Variants in TEKT5 observed in about 807,000 individuals in gnomAD.
TEKT5 encodes tektin-5.
TEKT5 carries 52 observed loss-of-function variants against 48.7 expected under a neutral mutation model. The ratio of observed to expected loss-of-function variants is 1.07; its 90% confidence interval spans 0.86 to 1.35. The LOEUF is 1.35. Among genes scored for constraint, TEKT5 ranks in the 40% most tolerant of loss-of-function variants. TEKT5 has a pLI of 0.00. For missense variants in TEKT5, 831 were observed against 641.6 expected (o/e 1.30, Z -3.19); for synonymous variants, 318 against 267.6 (o/e 1.19, Z -1.84).
intron 3 of TEKT5, among the ~76,000 whole-genome samples, chr16:10,685,310 CTCTT>C (rs1353399607): frequency 6.6e-6 from 1 of 152,100 alleles, no homozygotes; most frequent in Admixed American, 6.5e-5. Flanking sequence ...CTCTCTCTCT[CTCTT>C]TTTTTGAGAC....
chr16:10,644,745 G>C (rs1357848957), intron 5 of TEKT5, among the ~76,000 whole-genome samples: 1 of 152,128 alleles, frequency 6.6e-6, no homozygotes, highest in African/African-American at 2.4e-5. Context: ...GCAGCATTAG[G>C]GTTACCAGTT....
intron 4 of TEKT5, among the ~76,000 whole-genome samples, chr16:10,680,999 T>TA (rs1199718377): frequency 7.5e-6 from 1 of 133,834 alleles, no homozygotes; most frequent in Non-Finnish European, 1.6e-5. Flanking sequence ...TCCTAAAACT[T>TA]AAAGTATAAT....
chr16:10,678,619 C>G (rs1237977810), intron 4 of TEKT5, among the ~76,000 whole-genome samples: 1 of 152,118 alleles, frequency 6.6e-6, no homozygotes, highest in African/African-American at 2.4e-5. Flanking sequence ...TTGTTCAAGG[C>G]CGCACAACAA....
chr16:10,664,556 A>G (rs761994022), intron 5 of TEKT5, among the ~76,000 whole-genome samples: 18 of 152,238 alleles, frequency 1.2e-4, no homozygotes, highest in Non-Finnish European at 2.4e-4. Context: ...GGAGTTTTAA[A>G]AAGATCTGCT....
intron 3 of TEKT5, among the ~76,000 whole-genome samples, chr16:10,686,318 A>C (rs937125256): frequency 6.6e-6 from 1 of 152,190 alleles, no homozygotes; most frequent in Non-Finnish European, 1.5e-5. Flanking sequence ...TTAGCTGGGC[A>C]TGGTGGCAGG....
Position 10,627,773 on chromosome 16 carries a change from T to C in TEKT5, c.1268A>G (p.Asp423Gly). 6.2e-7 allele frequency: 1 copy of C among 1,614,184 alleles called. No individual in the cohort carries two copies. Among genetic ancestry groups the C allele is most frequent in the Non-Finnish European group, 8.5e-7 (1 of 1,180,040 alleles). Residue 423 changes from aspartate (D) to glycine (G), a missense_variant, in exon 7 of 7, where the codon GAC (aspartate) becomes GGC (glycine). Asp to Gly is a moderately conservative substitution (Grantham distance 94). Coordinates refer to ENST00000283025, the MANE Select transcript of TEKT5 (RefSeq NM_144674.2). ...CAGCTTGAGGGTCTGCAGGGTGTCG[T>C]CGATGGTGAACACCTCGTTCACCAG... ...LKLVNEVFTI[D>G]DTLQTLKLRL...
chr16:10,694,488 A>T lies in TEKT5; in HGVS notation c.386T>A (p.Leu129Gln). The T allele has an allele frequency of 6.2e-7, 1 of 1,613,786 alleles. No homozygotes were observed. The highest frequency in any genetic ancestry group is 8.5e-7 in the Non-Finnish European group (1 of 1,179,842). Residue 129 changes from leucine (L) to glutamine (Q), a missense_variant, in exon 1 of 7, where the codon CTG becomes CAG. Transcript: ENST00000283025. ...SMRLLQDKDQ[L>Q]THQMQEGTCR... ...GGTGCCCTCCTGCATCTGGTGCGTC[A>T]GCTGGTCCTTGTCCTGCAAGAGCCT...
chr16:10,631,480 A>T (rs1897840873), intron 6 of TEKT5, among the ~76,000 whole-genome samples: 1 of 151,976 alleles, frequency 6.6e-6, no homozygotes, highest in African/African-American at 2.4e-5. Flanking sequence ...TTAGGAGGTT[A>T]TTGTGAATCC....
At position 10,694,652 on chromosome 16, in the gene TEKT5, C is replaced by T. The variant is rs532956287; in HGVS notation, c.222G>A (p.Pro74=). Residue 74 remains proline (P), a synonymous_variant, in exon 1 of 7, where the codon CCG becomes CCA. Transcript: ENST00000283025. ...CPDESTSTLR[P]PTILPTLRSA... ...AGCGCAGTGTGGGCAGGATGGTGGG[C>T]GGCCGCAGGGTACTGGTGCTCTCGT... 202 of 1,612,530 alleles carry T rather than the reference C, an allele frequency of 1.3e-4. 3 individuals are homozygous for T. In the South Asian group the frequency reaches 1.5e-3, roughly 12 times the overall value.
In TEKT5 at chr16:10,675,073, G is replaced by A. The variant is rs932253831; in HGVS notation, c.1086+886C>T. Reference sequence around the variant, plus strand: ...ATTCCTGGCCTCAAATGATCTGCCCGCCTCAGCCTCCCAAAGTGCTGGGAT... The same window carrying A: ...ATTCCTGGCCTCAAATGATCTGCCCACCTCAGCCTCCCAAAGTGCTGGGAT... On this transcript the variant is annotated intron_variant, in intron 5 of 6. Coordinates refer to ENST00000283025, the MANE Select transcript of TEKT5 (RefSeq NM_144674.2). Among the ~76,000 whole-genome samples, 35 of 152,182 alleles carry A rather than the reference G, an allele frequency of 2.3e-4. No homozygotes were observed. In the Middle Eastern group the frequency reaches 0.014, roughly 59 times the overall value.
chr16:10,689,241 A>G lies in TEKT5; in HGVS notation c.719+12T>C. The G allele has an allele frequency of 6.3e-7, 1 of 1,588,142 alleles. No homozygotes were observed. The highest frequency in any genetic ancestry group is 1.4e-5 in the African/African-American group (1 of 73,034). ...CCAAGGAGAGGGAATTAAAAAAAAA[A>G]AAAGCCCTTACCGCATCTGGATATC... On this transcript the variant is annotated intron_variant, in intron 3 of 6. Transcript: ENST00000283025.
chr16:10,668,867 G>A (rs1399207548), intron 5 of TEKT5, among the ~76,000 whole-genome samples: 1 of 152,136 alleles, frequency 6.6e-6, no homozygotes, highest in Non-Finnish European at 1.5e-5. Flanking sequence ...AGTAAATAAT[G>A]CAAATGAGGG....
chr16:10,690,049 G>A lies in TEKT5; in HGVS notation c.565-24C>T, dbSNP rs117004475. 3.5e-3 allele frequency: 5,561 copies of A among 1,610,124 alleles called. 28 individuals carry two copies. Among genetic ancestry groups the A allele is most frequent in the Middle Eastern group, 7.4e-3 (45 of 6,058 alleles). On this transcript the variant is annotated intron_variant, in intron 1 of 6. Transcript: ENST00000283025. ...ACCTGTGGGAAGCAGCAGAAAGAAC[G>A]TATTCTTCCTGTAGCTGTATGTAGA...
chr16:10,646,562 C>A (rs1395223462), intron 5 of TEKT5, among the ~76,000 whole-genome samples: 2 of 152,148 alleles, frequency 1.3e-5, no homozygotes, highest in African/African-American at 4.8e-5. Context: ...GGGCCCATAA[C>A]CTATGGGCAC....
In TEKT5 at chr16:10,677,544, G is replaced by C. The variant is rs1035648034; in HGVS notation, c.864-1363C>G. Among the ~76,000 whole-genome samples the C allele has an allele frequency of 7.5e-5, 11 of 146,848 alleles. 2 individuals carry two copies. Among genetic ancestry groups the C allele is most frequent in the African/African-American group, 3.0e-4 (11 of 37,228 alleles). On this transcript the variant is annotated intron_variant, in intron 4 of 6. Transcript: ENST00000283025. ...AGAATCACTTGAACTGGGAGTCAGA[G>C]ATTGCAGCGAGCCGAGATCACGCTA... is the stretch of plus-strand genomic sequence containing the variant.
At position 10,694,634 on chromosome 16, in the gene TEKT5, T is replaced by C; in HGVS notation, c.240A>G (p.Thr80=). 1 of 1,612,838 alleles carries C rather than the reference T, an allele frequency of 6.2e-7. No individual in the cohort carries two copies. The highest frequency in any genetic ancestry group is 8.5e-7 in the Non-Finnish European group (1 of 1,179,392). ...AGCGAGAGAAGAGTGCGGAGCGCAG[T>C]GTGGGCAGGATGGTGGGCGGCCGCA... ...STLRPPTILP[T]LRSALFSRYS... Residue 80 remains threonine, a synonymous_variant, in exon 1 of 7, where the codon ACA becomes ACG. Transcript: ENST00000283025.
At chr16:10,690,194 C>A in intron 1 of TEKT5, 169 bp from the exon 2 acceptor site, 2 of 639,688 alleles carry the variant, frequency 3.1e-6, no homozygotes, top group Middle Eastern at 2.9e-4. Flanking sequence ...TCCCCTTCTC[C>A]CCGGATGAGA....
At chr16:10,655,364 AC>A (rs552737146) in intron 5 of TEKT5, among the ~76,000 whole-genome samples, 61 of 152,208 alleles carry the variant, frequency 4.0e-4, no homozygotes, top group African/African-American at 1.4e-3. Flanking sequence ...TCCACTACTT[AC>A]CCCCTATTCA....
rs763628693 is a variant in TEKT5, at chr16:10,635,871, T to C, written c.1134A>G (p.Glu378=). The C allele has an allele frequency of 6.2e-7, 1 of 1,614,110 alleles. No individual in the cohort carries two copies. The highest frequency in any genetic ancestry group is 1.7e-5 in the Admixed American group (1 of 60,022). The change falls in exon 6 of 7, where the codon GAA becomes GAG. Residue 378 remains glutamate (E), a synonymous_variant. Transcript: ENST00000283025. ...GGCCCTCCTTGGCCATGATGGACCT[T>C]TCCAGCAGCATGATGGTGTTCTCGG... The part of the protein sequence containing the change: ...FQAENTIMLL[E]RSIMAKEGPL...
Sources: allele counts gnomAD v4.1 joint callset (sites outside exome capture counted in the v4.1 genomes callset), GRCh38; gene constraint gnomAD v4.1.1; transcripts MANE v1.5; gene names NCBI Gene and HGNC (gene_info 2026-07-23, HGNC 2026-07-21).